RBFOX1: variants seen among roughly 807,000 people sequenced by gnomAD.
The protein encoded by RBFOX1 is RNA binding fox-1 homolog 1, also known as RNA binding protein fox-1 homolog 1.
In RBFOX1, 8 loss-of-function variants were observed where a neutral mutation model predicts 57.7. That is an observed-to-expected ratio of 0.14 (90% CI 0.08 to 0.25). RBFOX1 has a LOEUF of 0.25. RBFOX1 is among the 10% of genes least tolerant of loss of function. RBFOX1 has a pLI of 1.00. For synonymous variants in RBFOX1, 326 were observed against 222.4 expected (o/e 1.47, Z -4.15); for missense variants, 611 against 548.5 (o/e 1.11, Z -1.14).
In RBFOX1 at chr16:6,350,546, A is replaced by C. The variant is rs1012404243; in HGVS notation, c.-64+33489A>C. ...TCCCAACTTCTAAGTACTTCATTTA[A>C]CTAGTTTTAGGGAATGTTTATTTAA... On this transcript the variant is annotated intron_variant, in intron 2 of 15. Coordinates refer to ENST00000550418, the MANE Select transcript of RBFOX1 (RefSeq NM_018723.4). Among the ~76,000 whole-genome samples the C allele has an allele frequency of 4.7e-5, 7 of 149,334 alleles. No homozygotes were observed. The East Asian group carries it at 1.4e-3, about 30-fold the overall frequency.
intron 2 of RBFOX1, among the ~76,000 whole-genome samples, chr16:6,547,441 G>C (rs2096911900): frequency 6.6e-6 from 1 of 152,086 alleles, no homozygotes; most frequent in South Asian, 2.1e-4. Flanking sequence ...TTGTCGAATG[G>C]TGCCATCTTC....
intron 3 of RBFOX1, among the ~76,000 whole-genome samples, chr16:6,691,556 G>A (rs1375142137): frequency 6.6e-6 from 1 of 152,014 alleles, no homozygotes; most frequent in African/African-American, 2.4e-5. Context: ...CATTACACGC[G>A]TTATATGTAT....
intron 4 of RBFOX1, among the ~76,000 whole-genome samples, chr16:7,458,776 G>A (rs765419187): frequency 6.6e-6 from 1 of 151,952 alleles, no homozygotes; most frequent in Non-Finnish European, 1.5e-5. Flanking sequence ...ATTAAAATCA[G>A]ACCCCCTCTT....
At chr16:6,458,614 C>G (rs900121415) in intron 2 of RBFOX1, among the ~76,000 whole-genome samples, 2 of 152,182 alleles carry the variant, frequency 1.3e-5, no homozygotes, top group African/African-American at 4.8e-5. Flanking sequence ...AGTATCGTTT[C>G]CTAAGTTGAT....
chr16:7,569,740 A>G (rs918772790), intron 5 of RBFOX1, among the ~76,000 whole-genome samples: 16 of 152,164 alleles, frequency 1.1e-4, no homozygotes, highest in African/African-American at 3.6e-4. Flanking sequence ...GTGGTGGCTC[A>G]TGCCTGTAAT....
intron 3 of RBFOX1, among the ~76,000 whole-genome samples, chr16:5,757,589 T>C (rs1253930628): frequency 6.6e-6 from 1 of 152,110 alleles, no homozygotes; most frequent in Non-Finnish European, 1.5e-5. Flanking sequence ...TGATAGGGTG[T>C]TGGTTATAAC....
intron 3 of RBFOX1, among the ~76,000 whole-genome samples, chr16:6,731,668 T>C (rs2154174174): frequency 6.6e-6 from 1 of 152,216 alleles, no homozygotes. Flanking sequence ...GGTAGGATAA[T>C]GCTGAGGCAC....
chr16:7,084,487 G>C (rs1424844198), intron 4 of RBFOX1, among the ~76,000 whole-genome samples: 1 of 152,150 alleles, frequency 6.6e-6, no homozygotes, highest in African/African-American at 2.4e-5. Flanking sequence ...CTTTCCTTTA[G>C]CTGATTTCAG....
chr16:6,593,755 A>G (rs539853185), intron 2 of RBFOX1, among the ~76,000 whole-genome samples: 1 of 152,264 alleles, frequency 6.6e-6, no homozygotes, highest in Admixed American at 6.5e-5. Flanking sequence ...TGGAACAGAG[A>G]GGAGGAGAAA....
chr16:6,617,381 G>A (rs1400184172), intron 2 of RBFOX1, among the ~76,000 whole-genome samples: 2 of 152,080 alleles, frequency 1.3e-5, no homozygotes, highest in Non-Finnish European at 2.9e-5. Flanking sequence ...CTAAAGGCAT[G>A]GATGTCCAGC....
At chr16:6,829,872 G>T (rs1322225364) in intron 3 of RBFOX1, among the ~76,000 whole-genome samples, 2 of 152,112 alleles carry the variant, frequency 1.3e-5, no homozygotes, top group East Asian at 1.9e-4. Context: ...AAAGTGCTGG[G>T]ATTACAGGTG....
chr16:7,084,965 TC>T (rs2059765478), intron 4 of RBFOX1, among the ~76,000 whole-genome samples: 1 of 152,134 alleles, frequency 6.6e-6, no homozygotes, highest in Non-Finnish European at 1.5e-5. Context: ...TATGTATCTG[TC>T]TGTCTGTCTG....
At chr16:6,900,092 C>T (rs1003364539) in intron 3 of RBFOX1, among the ~76,000 whole-genome samples, 12 of 152,072 alleles carry the variant, frequency 7.9e-5, no homozygotes, top group African/African-American at 2.2e-4. Context: ...TAGAACAGTT[C>T]CTGGCACATG....
intron 3 of RBFOX1, among the ~76,000 whole-genome samples, chr16:5,782,512 C>T (rs2054357033): frequency 1.3e-5 from 2 of 152,146 alleles, no homozygotes; most frequent in Non-Finnish European, 2.9e-5. Context: ...AAATTTTCAC[C>T]ACAAGAATTT....
chr16:5,809,566 A>G (rs1418418351), intron 3 of RBFOX1, among the ~76,000 whole-genome samples: 1 of 152,240 alleles, frequency 6.6e-6, no homozygotes, highest in East Asian at 1.9e-4. Flanking sequence ...AAAAAAACAC[A>G]TGAAAAAATG....
intron 4 of RBFOX1, among the ~76,000 whole-genome samples, chr16:7,465,281 C>A (rs12595909): frequency 0.19 from 28,324 of 152,220 alleles, 3,285 homozygotes; most frequent in Non-Finnish European, 0.26. Flanking sequence ...ACACTCATTA[C>A]AACTTGTAAT....
In RBFOX1 at chr16:5,811,827, A is replaced by G. The variant is rs372856503; in HGVS notation, c.319-55476A>G. ...TCACCTATTGTTTCTATGAAATACA[A>G]TATAGATCTTGACTGAATTTATGGA... On this transcript the variant is annotated intron_variant, in intron 3 of 19. Transcript: ENST00000641259. Among the ~76,000 whole-genome samples, 6 of 152,326 alleles carry G rather than the reference A, an allele frequency of 3.9e-5. No homozygotes were observed. In the East Asian group the frequency reaches 7.7e-4, roughly 20 times the overall value.
At chr16:5,436,198 G>A (rs2067912964) in intron 1 of RBFOX1, among the ~76,000 whole-genome samples, 1 of 152,172 alleles carries the variant, frequency 6.6e-6, no homozygotes, top group African/African-American at 2.4e-5. Flanking sequence ...TCTGATCCCT[G>A]CCTAGGAGGC....
At chr16:5,900,898 C>G (rs193118921) in intron 4 of RBFOX1, among the ~76,000 whole-genome samples, 1 of 152,186 alleles carries the variant, frequency 6.6e-6, no homozygotes, top group South Asian at 2.1e-4. Flanking sequence ...TTCTGATTAC[C>G]TGGGGAAATT....
Sources: allele counts gnomAD v4.1 joint callset (sites outside exome capture counted in the v4.1 genomes callset), GRCh38; gene constraint gnomAD v4.1.1; transcripts MANE v1.5; gene names NCBI Gene and HGNC (gene_info 2026-07-23, HGNC 2026-07-21).